Variants in LRRTM4 observed in about 807,000 individuals in gnomAD.
LRRTM4 encodes the protein leucine rich repeat transmembrane neuronal 4.
LRRTM4 carries 25 observed loss-of-function variants against 47.6 expected under a neutral mutation model. That is an observed-to-expected ratio of 0.53 (90% CI 0.38 to 0.73). LRRTM4 has a LOEUF of 0.73. LRRTM4 is among the 30% of genes least tolerant of loss of function. The probability of loss-of-function intolerance (pLI) is 0.00; values close to 1 mark genes in which losing one functional copy is unlikely to be tolerated. For synonymous variants in LRRTM4, 311 were observed against 269.5 expected, an observed-to-expected ratio of 1.15 and a Z score of -1.51; for missense variants, 638 against 713.4, an observed-to-expected ratio of 0.89 and a Z score of 1.20.
chr2:77,453,176 A>ATTTTTTTTTTT (rs1162461607), intron 3 of LRRTM4, among the ~76,000 whole-genome samples: 2 of 99,532 alleles, frequency 2.0e-5, no homozygotes, highest in Admixed American at 1.1e-4. Flanking sequence ...TTTCTTCTTG[A>ATTTTTTTTTTT]TTTTTTTTTT....
At chr2:77,027,172 T>G (rs1678483886) in intron 3 of LRRTM4, among the ~76,000 whole-genome samples, 1 of 152,162 alleles carries the variant, frequency 6.6e-6, no homozygotes, top group African/African-American at 2.4e-5. Context: ...ATAAATCTCC[T>G]TTTCTGATAC....
intron 3 of LRRTM4, among the ~76,000 whole-genome samples, chr2:77,431,428 C>A (rs1434187312): frequency 6.7e-6 from 1 of 148,626 alleles, no homozygotes; most frequent in African/African-American, 2.6e-5. Flanking sequence ...CTATCACATT[C>A]AGAATGAGGT....
intron 3 of LRRTM4, among the ~76,000 whole-genome samples, chr2:77,026,077 T>A (rs1421147580): frequency 1.3e-5 from 2 of 152,166 alleles, no homozygotes; most frequent in Non-Finnish European, 2.9e-5. Flanking sequence ...TAAAACAAAA[T>A]GTTATTTTCT....
chr2:77,230,020 A>C (rs1454711734), intron 3 of LRRTM4, among the ~76,000 whole-genome samples: 3 of 152,158 alleles, frequency 2.0e-5, no homozygotes, highest in African/African-American at 7.2e-5. Context: ...ATAATACAGG[A>C]GAGCAAGTCT....
intron 3 of LRRTM4, among the ~76,000 whole-genome samples, chr2:76,895,096 T>C (rs536049277): frequency 2.6e-5 from 4 of 152,150 alleles, no homozygotes; most frequent in African/African-American, 9.6e-5. Context: ...ACAATCTTAG[T>C]AGAATAATCC....
chr2:76,977,541 G>A (rs1676461061), intron 3 of LRRTM4, among the ~76,000 whole-genome samples: 1 of 151,910 alleles, frequency 6.6e-6, no homozygotes, highest in South Asian at 2.1e-4. Flanking sequence ...ACTTGAACCA[G>A]AAGCCTGTGA....
chr2:76,845,905 AT>A (rs2103951706), intron 3 of LRRTM4, among the ~76,000 whole-genome samples: 1 of 152,260 alleles, frequency 6.6e-6, no homozygotes, highest in South Asian at 2.1e-4. Context: ...AACAAAGGTG[AT>A]AAAACAGGGA....
chr2:76,827,585 T>C (rs1671223677), intron 3 of LRRTM4, among the ~76,000 whole-genome samples: 1 of 151,896 alleles, frequency 6.6e-6, no homozygotes, highest in African/African-American at 2.4e-5. Flanking sequence ...ACATTTCTTA[T>C]CTGATTCTGA....
intron 3 of LRRTM4, among the ~76,000 whole-genome samples, chr2:76,934,847 T>C (rs1042603452): frequency 7.9e-5 from 12 of 152,004 alleles, no homozygotes; most frequent in African/African-American, 2.4e-4. Flanking sequence ...AGGAAAAACA[T>C]AGAAGGTATT....
chr2:77,360,590 A>G (rs1028173185), intron 3 of LRRTM4, among the ~76,000 whole-genome samples: 4 of 150,250 alleles, frequency 2.7e-5, no homozygotes, highest in African/African-American at 7.5e-5. Context: ...ACATACATAC[A>G]TACATAGTGC....
chr2:77,386,270 G>T (rs1000100675), intron 3 of LRRTM4, among the ~76,000 whole-genome samples: 3 of 152,018 alleles, frequency 2.0e-5, no homozygotes, highest in African/African-American at 7.2e-5. Context: ...TATACATCCA[G>T]GTTGATCTTA....
At chr2:76,771,476 C>T (rs1673702902) in intron 3 of LRRTM4, among the ~76,000 whole-genome samples, 1 of 152,046 alleles carries the variant, frequency 6.6e-6, no homozygotes, top group Non-Finnish European at 1.5e-5. Flanking sequence ...GTAGCAAGGG[C>T]TCCAGGAGGA....
At chr2:76,991,088 T>C (rs1036945876) in intron 3 of LRRTM4, among the ~76,000 whole-genome samples, 2 of 151,718 alleles carry the variant, frequency 1.3e-5, no homozygotes, top group African/African-American at 4.8e-5. Flanking sequence ...AAAACATTCT[T>C]TGAAATAAAC....
rs1222035190 is a variant in LRRTM4 at position 77,518,920 on chromosome 2, G to C, written c.949C>G (p.Arg317Gly). ...TLSGNMWECS[R>G]SICPLFYWLK... ...CAATAAAATAAAGGACAAATGCTCC[G>C]ACTGCATTCCCACATATTTCCAGAC... Residue 317 changes from arginine (R) to glycine (G), a missense_variant, in exon 3 of 4, where the codon CGG (arginine) becomes GGG (glycine). By Grantham distance (125) the Arg-to-Gly change is moderately radical. Transcript: ENST00000409884. 4 of 1,609,038 alleles carry C rather than the reference G, an allele frequency of 2.5e-6. No individual in the cohort carries two copies. The highest frequency in any genetic ancestry group is 1.7e-6 in the Non-Finnish European group (2 of 1,177,466).
intron 3 of LRRTM4, among the ~76,000 whole-genome samples, chr2:76,818,441 T>C (rs1670961928): frequency 1.3e-5 from 2 of 151,802 alleles, no homozygotes; most frequent in South Asian, 4.1e-4. Context: ...CTAAACTCAA[T>C]GTCTCAACTA....
At chr2:76,849,045 CT>C (rs1671916482) in intron 3 of LRRTM4, among the ~76,000 whole-genome samples, 1 of 152,066 alleles carries the variant, frequency 6.6e-6, no homozygotes, top group Non-Finnish European at 1.5e-5. Context: ...TTCTCTCCCC[CT>C]ATCTTTCCTT....
intron 3 of LRRTM4, among the ~76,000 whole-genome samples, chr2:77,315,929 T>C (rs1234188706): frequency 6.6e-6 from 1 of 152,188 alleles, no homozygotes; most frequent in East Asian, 1.9e-4. Context: ...CATTTACTTT[T>C]CCTTTGGGCA....
intron 3 of LRRTM4, among the ~76,000 whole-genome samples, chr2:77,297,066 T>C (rs565515613): frequency 1.2e-4 from 19 of 152,298 alleles, no homozygotes; most frequent in Admixed American, 4.6e-4. Context: ...AATCTTCTTA[T>C]TGTTTTCTTG....
chr2:76,889,186 G>T (rs1463253863), intron 3 of LRRTM4, among the ~76,000 whole-genome samples: 1 of 151,894 alleles, frequency 6.6e-6, no homozygotes, highest in African/African-American at 2.4e-5. Context: ...TGTAATTAAT[G>T]TAAGGTTAAT....
Sources: allele counts gnomAD v4.1 joint callset (sites outside exome capture counted in the v4.1 genomes callset), GRCh38; gene constraint gnomAD v4.1.1; transcripts MANE v1.5; gene names NCBI Gene and HGNC (gene_info 2026-07-23, HGNC 2026-07-21).